PCDHA12: variants seen among roughly 807,000 people sequenced by gnomAD.
PCDHA12 encodes the protein protocadherin alpha-12.
A neutral mutation model predicts 60.0 loss-of-function variants in PCDHA12; 44 were observed. The ratio of observed to expected loss-of-function variants is 0.73; its 90% CI spans 0.58 to 0.94. PCDHA12 has a LOEUF of 0.94. Ranked by LOEUF, PCDHA12 falls within the 40% of genes least tolerant of loss-of-function variation. The probability of loss-of-function intolerance (pLI) is 0.00; values close to 1 mark genes in which losing one functional copy is unlikely to be tolerated. For missense variants in PCDHA12, 1,276 were observed against 1,239.7 expected (o/e 1.03, Z -0.44); for synonymous variants, 569 against 553.0 (o/e 1.03, Z -0.40).
chr5:140,998,942 T>C (rs1435302179), intron 3 of PCDHA12, among the ~76,000 whole-genome samples: 4 of 152,222 alleles, frequency 2.6e-5, no homozygotes, highest in Non-Finnish European at 5.9e-5. Flanking sequence ...ATGAAGAAAC[T>C]GTAAGTCAAT....
intron 1 of PCDHA12, among the ~76,000 whole-genome samples, chr5:140,885,790 G>T (rs141648269): frequency 0.012 from 1,822 of 152,058 alleles, 11 homozygotes; most frequent in Non-Finnish European, 0.018. Context: ...TGAGCATATT[G>T]TCATATGTAT....
At chr5:140,897,050 G>C (rs1269082503) in intron 1 of PCDHA12, among the ~76,000 whole-genome samples, 1 of 152,014 alleles carries the variant, frequency 6.6e-6, no homozygotes, top group African/African-American at 2.4e-5. Flanking sequence ...CTATTCTGCT[G>C]TCAAATACTA....
At chr5:140,898,782 G>A (rs1170822216) in intron 1 of PCDHA12, among the ~76,000 whole-genome samples, 5 of 152,306 alleles carry the variant, frequency 3.3e-5, no homozygotes, top group Middle Eastern at 3.4e-3. Context: ...ACCTTGGGCA[G>A]TATGGCCATT....
At chr5:140,918,823 C>T (rs2078875594) in intron 1 of PCDHA12, among the ~76,000 whole-genome samples, 2 of 11,382 alleles carry the variant, frequency 1.8e-4, no homozygotes, top group African/African-American at 5.2e-3. Context: ...AAAAAGTGGC[C>T]CCCTCCCCAG....
chr5:140,968,371 C>T (rs1554230646), intron 1 of PCDHA12: 3 of 1,614,088 alleles, frequency 1.9e-6, no homozygotes, highest in Non-Finnish European at 2.5e-6. Context: ...ATGCTGTCAA[C>T]TCCTTTGACT....
At chr5:140,921,704 A>T (rs1465184855) in intron 1 of PCDHA12, among the ~76,000 whole-genome samples, 8 of 152,234 alleles carry the variant, frequency 5.3e-5, no homozygotes, top group African/African-American at 1.9e-4. Flanking sequence ...AATTTTAAAC[A>T]GTAAACACAC....
At chr5:140,938,187 C>A (rs1584944424) in intron 1 of PCDHA12, among the ~76,000 whole-genome samples, 1 of 152,276 alleles carries the variant, frequency 6.6e-6, no homozygotes, top group Non-Finnish European at 1.5e-5. Context: ...CTCAAGCAAT[C>A]CTCCCACGCC....
At chr5:140,906,502 CAAAG>C (rs1295778527) in intron 1 of PCDHA12, among the ~76,000 whole-genome samples, 1 of 152,180 alleles carries the variant, frequency 6.6e-6, no homozygotes, top group African/African-American at 2.4e-5. Context: ...ATGTTTTTAA[CAAAG>C]AAGGAGGAAA....
In PCDHA12 at chr5:141,007,573, TA is replaced by T. The variant is rs1265481031; in HGVS notation, c.2516-2048del. Among the ~76,000 whole-genome samples, 3 of 151,796 alleles carry T rather than the reference TA, an allele frequency of 2.0e-5. No homozygotes were observed. The East Asian group carries it at 5.8e-4, about 29-fold the overall frequency. On this transcript the variant is annotated intron_variant, in intron 3 of 3. Coordinates refer to ENST00000398631, the MANE Select transcript of PCDHA12 (RefSeq NM_018903.4). ...ACAGAGCAAGGCTCTATCTCAAATTTAAAAAATAATAATCATGATAATAATA... is the reference window on the plus strand; with the variant it reads ...ACAGAGCAAGGCTCTATCTCAAATTTAAAAATAATAATCATGATAATAATA...
intron 1 of PCDHA12, chr5:140,882,615 T>A (rs1554174850): frequency 6.2e-7 from 1 of 1,614,020 alleles, no homozygotes; most frequent in South Asian, 1.1e-5. Flanking sequence ...CCTCTGCAGG[T>A]TTTCCATGTG....
intron 1 of PCDHA12, among the ~76,000 whole-genome samples, chr5:140,897,200 T>C (rs1462263623): frequency 1.3e-5 from 2 of 152,172 alleles, no homozygotes; most frequent in African/African-American, 4.8e-5. Context: ...TTTTTTATTA[T>C]ACTTTAAGTT....
chr5:140,924,895 AAAAAAAAAAATAAAATAAAAT>A (rs1361418672), intron 1 of PCDHA12, among the ~76,000 whole-genome samples: 1,915 of 132,218 alleles, frequency 0.014, 23 homozygotes, highest in Admixed American at 0.024. Context: ...AACCTGTCTC[AAAAAAAAAAATAAAATAAAAT>A]AAAATAAAAT....
chr5:140,963,454 T>G (rs1299471186), intron 1 of PCDHA12, among the ~76,000 whole-genome samples: 2 of 152,242 alleles, frequency 1.3e-5, no homozygotes, highest in African/African-American at 4.8e-5. Context: ...TGCTAAAGTA[T>G]TTCTGTGTTT....
At chr5:140,968,640 C>T (rs2096260908) in intron 1 of PCDHA12, 1 of 1,614,038 alleles carries the variant, frequency 6.2e-7, no homozygotes, top group Admixed American at 1.7e-5. Context: ...TACCATCTAG[C>T]CCAGACTTCT....
At chr5:141,005,701 CAAA>C (rs59860837) in intron 3 of PCDHA12, among the ~76,000 whole-genome samples, 30 of 7,778 alleles carry the variant, frequency 3.9e-3, no homozygotes, top group African/African-American at 0.012. Context: ...AACTCCGTCT[CAAA>C]AAAAAAAAAA....
chr5:140,981,456 C>G (rs2096933076), intron 2 of PCDHA12, among the ~76,000 whole-genome samples: 1 of 152,054 alleles, frequency 6.6e-6, no homozygotes, highest in African/African-American at 2.4e-5. Flanking sequence ...TGCCTGTAGT[C>G]CCAGCTACTT....
intron 1 of PCDHA12, among the ~76,000 whole-genome samples, chr5:140,945,912 A>G (rs1351762760): frequency 2.0e-5 from 3 of 152,132 alleles, no homozygotes; most frequent in African/African-American, 7.2e-5. Flanking sequence ...TGAAAGATCA[A>G]TAACACTGAT....
At chr5:141,007,395 CAAAAAAAAAAAA>C (rs35800918) in intron 3 of PCDHA12, among the ~76,000 whole-genome samples, 1 of 94,866 alleles carries the variant, frequency 1.1e-5, no homozygotes, top group Non-Finnish European at 2.1e-5. Flanking sequence ...TACTAAAATA[CAAAAAAAAAAAA>C]AAAAAAAAAA....
intron 3 of PCDHA12, among the ~76,000 whole-genome samples, chr5:140,995,648 G>A (rs548703031): frequency 1.3e-5 from 2 of 152,248 alleles, no homozygotes; most frequent in South Asian, 2.1e-4. Flanking sequence ...TAGAAAAGGA[G>A]AATCGAAAAG....
Sources: gnomAD v4.1 joint callset for allele counts (sites outside exome capture counted in the v4.1 genomes callset) on GRCh38, gnomAD v4.1.1 for gene constraint, MANE v1.5 for transcripts, NCBI Gene and HGNC (gene_info 2026-07-23, HGNC 2026-07-21) for gene names.